SLC24A2: variants seen among roughly 807,000 people sequenced by gnomAD.
SLC24A2 encodes the protein solute carrier family 24 member 2, also known as sodium/potassium/calcium exchanger 2.
In SLC24A2, 36 loss-of-function variants were observed where a neutral mutation model predicts 62.0. The observed-to-expected ratio is 0.58, with a 90% CI of 0.44 to 0.77. The LOEUF (loss-of-function observed/expected upper bound fraction) is 0.77. Among genes scored for constraint, SLC24A2 ranks in the 30% least tolerant of loss-of-function variants. The probability of loss-of-function intolerance (pLI) is 0.00; values close to 1 mark genes in which losing one functional copy is unlikely to be tolerated. For missense variants in SLC24A2, 846 were observed against 817.9 expected (o/e 1.03, Z -0.42); for synonymous variants, 358 against 294.0 (o/e 1.22, Z -2.23).
chr9:19,568,017 G>C (rs1826710660), intron 7 of SLC24A2, among the ~76,000 whole-genome samples: 1 of 152,154 alleles, frequency 6.6e-6, no homozygotes, highest in Admixed American at 6.5e-5. Flanking sequence ...AATTACACAA[G>C]GCAGGCTAAA....
chr9:19,547,957 T>C (rs1166063058), intron 8 of SLC24A2, among the ~76,000 whole-genome samples: 1 of 151,734 alleles, frequency 6.6e-6, no homozygotes, highest in Non-Finnish European at 1.5e-5. Flanking sequence ...GCCAGGCCTT[T>C]GCATAGTGCA....
chr9:20,267,758 C>G, the SLC24A2 span, among the ~76,000 whole-genome samples: 201 of 152,206 alleles, frequency 1.3e-3, no homozygotes, highest in Middle Eastern at 6.8e-3. Context: ...ATGAAGTTGC[C>G]AAGAGGAAAC....
At chr9:19,545,212 T>C (rs1048983852) in intron 8 of SLC24A2, among the ~76,000 whole-genome samples, 1 of 151,948 alleles carries the variant, frequency 6.6e-6, no homozygotes, top group African/African-American at 2.4e-5. Context: ...TTCTGCTTGA[T>C]TGATTCAGCT....
the SLC24A2 span, among the ~76,000 whole-genome samples, chr9:20,054,383 G>C: frequency 6.6e-6 from 1 of 151,938 alleles, no homozygotes; most frequent in Non-Finnish European, 1.5e-5. Flanking sequence ...GTAGAGACAG[G>C]GTTTCACCAT....
At chr9:19,671,430 T>A (rs1423829857) in intron 2 of SLC24A2, among the ~76,000 whole-genome samples, 1 of 151,636 alleles carries the variant, frequency 6.6e-6, no homozygotes, top group Non-Finnish European at 1.5e-5. Context: ...GCTGAATTCA[T>A]TTATCAGGTC....
At chr9:19,543,033 C>G (rs1834355074) in intron 8 of SLC24A2, among the ~76,000 whole-genome samples, 1 of 152,146 alleles carries the variant, frequency 6.6e-6, no homozygotes. Context: ...CTTTGTACCT[C>G]TGGTAGAATT....
the SLC24A2 span, among the ~76,000 whole-genome samples, chr9:20,141,228 A>G: frequency 6.6e-6 from 1 of 152,088 alleles, no homozygotes; most frequent in Admixed American, 6.6e-5. Flanking sequence ...TCACCTGGTA[A>G]GAGATAGAGG....
chr9:19,868,930 G>T, the SLC24A2 span, among the ~76,000 whole-genome samples: 2 of 151,916 alleles, frequency 1.3e-5, no homozygotes, highest in African/African-American at 4.8e-5. Flanking sequence ...GATACTCTCT[G>T]CTTTTTGAGT....
chr9:19,961,071 G>C, the SLC24A2 span, among the ~76,000 whole-genome samples: 1 of 149,444 alleles, frequency 6.7e-6, no homozygotes, highest in Non-Finnish European at 1.5e-5. Context: ...AAAGGAGAAA[G>C]AGAGAAGAAA....
the SLC24A2 span, among the ~76,000 whole-genome samples, chr9:20,233,142 C>T: frequency 2.6e-5 from 4 of 152,096 alleles, no homozygotes; most frequent in African/African-American, 9.7e-5. Flanking sequence ...TGCTTTACTT[C>T]CAACTATGTG....
At chr9:19,829,820 C>T in the SLC24A2 span, among the ~76,000 whole-genome samples, 404 of 124,042 alleles carry the variant, frequency 3.3e-3, 3 homozygotes, top group African/African-American at 0.012. Flanking sequence ...TACACACACA[C>T]ACACACACAC....
the SLC24A2 span, among the ~76,000 whole-genome samples, chr9:20,264,252 GTATC>G: frequency 2.0e-5 from 3 of 152,182 alleles, no homozygotes; most frequent in African/African-American, 7.2e-5. Flanking sequence ...GTTAGCATAA[GTATC>G]TACTTCACAG....
chr9:19,549,782 A>G (rs1834754319), intron 8 of SLC24A2, among the ~76,000 whole-genome samples: 1 of 152,158 alleles, frequency 6.6e-6, no homozygotes, highest in Non-Finnish European at 1.5e-5. Flanking sequence ...GCCATCCACA[A>G]TGTGCCCTAT....
chr9:19,786,637 C>G lies in SLC24A2; in HGVS notation c.230G>C (p.Arg77Thr). 2 of 1,614,054 alleles carry G rather than the reference C, an allele frequency of 1.2e-6. No homozygotes were observed. Among genetic ancestry groups the G allele is most frequent in the East Asian group, 2.2e-5 (1 of 44,884 alleles). ...TCTCTGATGGTAACCCTGTGCTACC[C>G]TAGGGCCACTTACAACACTGGCCTC... ...TGEASVVSGP[R>T]VAQGYHQRTL... The change falls in exon 2 of 11, where the codon AGG becomes ACG. Residue 77 changes from arginine (R) to threonine (T), a missense_variant. Arg to Thr is a moderately conservative substitution (Grantham distance 71, BLOSUM62 -1). Coordinates refer to ENST00000341998, the MANE Select transcript of SLC24A2 (RefSeq NM_020344.4). The surrounding 1 kb of genome is among the most constrained non-coding windows in gnomAD (Gnocchi z 5.0).
chr9:19,566,084 G>A (rs1486836421), intron 7 of SLC24A2, among the ~76,000 whole-genome samples: 1 of 152,142 alleles, frequency 6.6e-6, no homozygotes, highest in Non-Finnish European at 1.5e-5. Context: ...AACACCAAAA[G>A]CAATGGCAAC....
At chr9:19,758,871 T>C (rs1279118355) in intron 2 of SLC24A2, among the ~76,000 whole-genome samples, 1 of 152,180 alleles carries the variant, frequency 6.6e-6, no homozygotes, top group Non-Finnish European at 1.5e-5. Flanking sequence ...GAACACATTC[T>C]CTTGTTCTAC....
rs75437089 is a variant in SLC24A2, at chr9:19,683,411, T to A, written c.931-61112A>T. ...GTATCTTGAAAGATGGAGGAGCTCA[T>A]TGTCTTTATGGAAATGGAAGAGTCC... On this transcript the variant is annotated intron_variant, in intron 2 of 10. Coordinates refer to ENST00000341998, the MANE Select transcript of SLC24A2 (RefSeq NM_020344.4). Among the ~76,000 whole-genome samples the A allele has an allele frequency of 6.2e-3, 938 of 152,212 alleles. 12 individuals carry two copies. Among genetic ancestry groups the A allele is most frequent in the African/African-American group, 0.022 (896 of 41,546 alleles).
At chr9:20,206,503 A>G in the SLC24A2 span, among the ~76,000 whole-genome samples, 1 of 152,106 alleles carries the variant, frequency 6.6e-6, no homozygotes. Flanking sequence ...TATTATTATT[A>G]TTTTGAGATG....
chr9:19,911,184 T>G, the SLC24A2 span, among the ~76,000 whole-genome samples: 3 of 151,212 alleles, frequency 2.0e-5, no homozygotes, highest in Admixed American at 6.6e-5. Flanking sequence ...TTTTTGTCCT[T>G]GCGATAGTTT....
Sources: allele counts gnomAD v4.1 joint callset (sites outside exome capture counted in the v4.1 genomes callset), GRCh38; gene constraint gnomAD v4.1.1; non-coding constraint Gnocchi (gnomAD v3.1); transcripts MANE v1.5; gene names NCBI Gene and HGNC (gene_info 2026-07-23, HGNC 2026-07-21).